The following TENM4 variants were observed in gnomAD, a reference collection of about 807,000 sequenced individuals.
TENM4 encodes the protein teneurin transmembrane protein 4.
TENM4 carries 82 observed loss-of-function variants against 243.3 expected under a neutral mutation model. That is an observed-to-expected ratio of 0.34 (90% CI 0.28 to 0.40). The LOEUF (loss-of-function observed/expected upper bound fraction) is 0.40, where lower values mean the gene tolerates loss of function less well. TENM4 is among the 10% of genes least tolerant of loss of function. The pLI, the probability that TENM4 is intolerant of heterozygous loss-of-function variation, is 1.00. For missense variants in TENM4, 3,138 were observed against 3,673.3 expected (o/e 0.85, Z 3.77); for synonymous variants, 1,412 against 1,456.3 (o/e 0.97, Z 0.69).
chr11:78,718,072 C>A (rs1859562196), intron 25 of TENM4, among the ~76,000 whole-genome samples: 1 of 152,106 alleles, frequency 6.6e-6, no homozygotes, highest in Non-Finnish European at 1.5e-5. Flanking sequence ...AGTCATGGGG[C>A]CAGACATATT....
intron 25 of TENM4, among the ~76,000 whole-genome samples, chr11:78,719,292 G>A (rs1480227035): frequency 6.6e-6 from 1 of 152,122 alleles, no homozygotes; most frequent in East Asian, 1.9e-4. Flanking sequence ...GCTTCACAGA[G>A]TGGTTTGGCG....
chr11:78,657,940 C>T lies in TENM4; in HGVS notation c.*118G>A. 6.8e-7 allele frequency: 1 copy of T among 1,472,414 alleles called. No homozygotes were observed. Among genetic ancestry groups the T allele is most frequent in the Non-Finnish European group, 9.5e-7 (1 of 1,057,066 alleles). 91.2% of individuals were successfully genotyped at this position (1,472,414 alleles called of 1,614,324 possible). ...GGATGTTGCATGAGTTACAATGCAA[C>T]CAGTATCTTTTTGTTTCTGCACTTG... On this transcript the variant is annotated 3_prime_UTR_variant, in exon 34 of 34. Coordinates refer to ENST00000278550, the MANE Select transcript of TENM4 (RefSeq NM_001098816.3).
chr11:78,692,322 C>T (rs982488997), intron 28 of TENM4, among the ~76,000 whole-genome samples: 2 of 152,132 alleles, frequency 1.3e-5, no homozygotes, highest in African/African-American at 2.4e-5. Flanking sequence ...ATCTAGAGGA[C>T]GGGCACTTGG....
intron 6 of TENM4, among the ~76,000 whole-genome samples, chr11:79,025,546 C>T (rs772897161): frequency 6.6e-6 from 1 of 152,056 alleles, no homozygotes; most frequent in Non-Finnish European, 1.5e-5. Context: ...GCTCATTTAG[C>T]CTTTGGCAAG....
chr11:78,843,447 A>T (rs1317817902), intron 12 of TENM4, among the ~76,000 whole-genome samples: 1 of 152,146 alleles, frequency 6.6e-6, no homozygotes, highest in African/African-American at 2.4e-5. Context: ...TGATTGTGCC[A>T]CTGGACTCCA....
At chr11:78,726,530 T>A (rs1224904932) in intron 22 of TENM4, among the ~76,000 whole-genome samples, 1 of 152,216 alleles carries the variant, frequency 6.6e-6, no homozygotes, top group Non-Finnish European at 1.5e-5. Context: ...GGTTTGTTTC[T>A]GTGTTCCCAA....
At chr11:79,092,661 T>A (rs1324163419) in intron 4 of TENM4, among the ~76,000 whole-genome samples, 1 of 152,242 alleles carries the variant, frequency 6.6e-6, no homozygotes, top group African/African-American at 2.4e-5. Flanking sequence ...CCCTGCTCAA[T>A]GAGTCAAGTT....
chr11:78,986,836 A>G (rs1198341100), intron 6 of TENM4, among the ~76,000 whole-genome samples: 2 of 151,974 alleles, frequency 1.3e-5, no homozygotes, highest in African/African-American at 4.8e-5. Context: ...GGCCTCCCAA[A>G]GTGCTGGGAT....
In TENM4 at chr11:78,899,180, G is replaced by A. The variant is rs977805572; in HGVS notation, c.749+4088C>T. 3.3e-5 allele frequency among the ~76,000 whole-genome samples: 5 copies of A among 152,102 alleles called. No homozygotes were observed. The East Asian group carries it at 5.8e-4, about 18-fold the overall frequency. ...TCAATAGCTCCTGTCTCAGTGCCTT[G>A]GAGCCGCAAGCCACTGAGTATGAAG... On this transcript the variant is annotated intron_variant, in intron 7 of 33. Transcript: ENST00000278550.
intron 1 of TENM4, among the ~76,000 whole-genome samples, chr11:79,422,881 G>A (rs919723939): frequency 2.6e-5 from 4 of 152,104 alleles, no homozygotes; most frequent in Non-Finnish European, 4.4e-5. Context: ...GCATTTGCTT[G>A]TCACCTCTAC....
chr11:79,214,064 T>C (rs1293577199), intron 3 of TENM4, among the ~76,000 whole-genome samples: 1 of 152,058 alleles, frequency 6.6e-6, no homozygotes, highest in Non-Finnish European at 1.5e-5. Flanking sequence ...CAATTTTGGC[T>C]CACTGCAACT....
chr11:79,062,021 G>A (rs1437499712), intron 6 of TENM4, among the ~76,000 whole-genome samples: 4 of 149,182 alleles, frequency 2.7e-5, no homozygotes, highest in African/African-American at 9.9e-5. Flanking sequence ...GAGTGCAGTG[G>A]TGCAATCTTG....
At chr11:78,672,396 A>G in intron 30 of TENM4, 67 bp from the exon 31 acceptor site, 1 of 1,536,844 alleles carries the variant, frequency 6.5e-7, no homozygotes, top group East Asian at 2.3e-5. Flanking sequence ...CTGATGGGCC[A>G]CGTTGCTCTC....
intron 1 of TENM4, among the ~76,000 whole-genome samples, chr11:79,433,277 C>G (rs940035518): frequency 6.6e-6 from 1 of 152,102 alleles, no homozygotes; most frequent in African/African-American, 2.4e-5. Context: ...TTCTTGGGCC[C>G]CTCCCCAGAC....
intron 6 of TENM4, among the ~76,000 whole-genome samples, chr11:78,954,997 G>C (rs1157048685): frequency 6.6e-6 from 1 of 152,228 alleles, no homozygotes; most frequent in African/African-American, 2.4e-5. Flanking sequence ...GTGCCTCTCT[G>C]TAAGCAGGTT....
intron 9 of TENM4, among the ~76,000 whole-genome samples, chr11:78,881,404 G>A (rs187513375): frequency 1.2e-4 from 18 of 152,268 alleles, no homozygotes; most frequent in African/African-American, 4.1e-4. Flanking sequence ...AGAGTGAGGT[G>A]GAGATTTCCG....
intron 1 of TENM4, among the ~76,000 whole-genome samples, chr11:79,423,708 A>T (rs1858988388): frequency 6.6e-6 from 1 of 151,908 alleles, no homozygotes; most frequent in Non-Finnish European, 1.5e-5. Context: ...CCAGAACCAA[A>T]TCTCCTGTTT....
intron 6 of TENM4, among the ~76,000 whole-genome samples, chr11:78,998,841 A>G (rs550513232): frequency 7.9e-5 from 12 of 152,322 alleles, no homozygotes; most frequent in South Asian, 2.1e-4. Context: ...CTGAGATGTG[A>G]ATGAATAGTG....
rs554650480 is a variant in TENM4 at position 79,069,988 on chromosome 11, G to A, written c.-44C>T. On this transcript the variant is annotated 5_prime_UTR_variant, in exon 5 of 34. Transcript: ENST00000278550. Reference sequence around the variant, plus strand: ...CTCCACATCCACAAACAGGGTCCTCGCCGCACTCAGGGCCGAGTGGTCTAG... The same window carrying A: ...CTCCACATCCACAAACAGGGTCCTCACCGCACTCAGGGCCGAGTGGTCTAG... 19 of 1,533,690 alleles carry A rather than the reference G, an allele frequency of 1.2e-5. No homozygotes were observed. Among genetic ancestry groups the A allele is most frequent in the South Asian group, 3.6e-5 (3 of 82,768 alleles).
Sources: gnomAD v4.1 joint callset for allele counts (sites outside exome capture counted in the v4.1 genomes callset) on GRCh38, gnomAD v4.1.1 for gene constraint, MANE v1.5 for transcripts, NCBI Gene and HGNC (gene_info 2026-07-23, HGNC 2026-07-21) for gene names.